PDZRN4: variants seen among roughly 807,000 people sequenced by gnomAD.
PDZRN4 encodes the protein PDZ domain containing ring finger 4, also known as PDZ domain-containing RING finger protein 4.
A neutral mutation model predicts 99.0 loss-of-function variants in PDZRN4; 70 were observed. That is an observed-to-expected ratio of 0.71 (90% CI 0.58 to 0.86). PDZRN4 has a LOEUF of 0.86. Ranked by LOEUF, PDZRN4 falls within the 40% of genes least tolerant of loss-of-function variation. The pLI is 0.00. For missense variants in PDZRN4, 1,474 were observed against 1,331.2 expected (o/e 1.11, Z -1.67); for synonymous variants, 551 against 501.6 (o/e 1.10, Z -1.32).
intron 3 of PDZRN4, among the ~76,000 whole-genome samples, chr12:41,416,352 C>T (rs1363031604): frequency 6.6e-6 from 1 of 152,054 alleles, no homozygotes; most frequent in African/African-American, 2.4e-5. Flanking sequence ...TGATTAAAAA[C>T]ATTTGGTTTT....
At chr12:41,391,664 T>C (rs2121121445) in intron 3 of PDZRN4, among the ~76,000 whole-genome samples, 1 of 152,290 alleles carries the variant, frequency 6.6e-6, no homozygotes, top group South Asian at 2.1e-4. Context: ...TGAGGGAAAA[T>C]GGAGTCTTTG....
At chr12:41,462,512 C>T (rs1262294014) in intron 3 of PDZRN4, among the ~76,000 whole-genome samples, 1 of 152,150 alleles carries the variant, frequency 6.6e-6, no homozygotes, top group Non-Finnish European at 1.5e-5. Flanking sequence ...AAATTGCTCA[C>T]CAGTTAGTCA....
intron 5 of PDZRN4, among the ~76,000 whole-genome samples, chr12:41,541,691 G>T (rs994118426): frequency 3.3e-5 from 5 of 151,776 alleles, no homozygotes; most frequent in Admixed American, 3.3e-4. Flanking sequence ...CTGACCTCAT[G>T]ATCCGCCTGC....
At chr12:41,454,922 T>C (rs1422922984) in intron 3 of PDZRN4, among the ~76,000 whole-genome samples, 1 of 152,244 alleles carries the variant, frequency 6.6e-6, no homozygotes, top group Non-Finnish European at 1.5e-5. Flanking sequence ...CACATAGGAC[T>C]GTTGAACAGT....
chr12:41,477,162 G>A (rs181478461), intron 3 of PDZRN4, among the ~76,000 whole-genome samples: 216 of 152,268 alleles, frequency 1.4e-3, no homozygotes, highest in African/African-American at 4.8e-3. Context: ...TCTGTTTGCA[G>A]CTATCTTTTA....
chr12:41,363,066 G>A (rs921892987), intron 3 of PDZRN4, among the ~76,000 whole-genome samples: 2 of 152,060 alleles, frequency 1.3e-5, no homozygotes, highest in Non-Finnish European at 2.9e-5. Context: ...CAGTTTGAGA[G>A]CATGAAGTAT....
intron 1 of PDZRN4, among the ~76,000 whole-genome samples, chr12:41,190,089 C>A (rs186906851): frequency 6.6e-6 from 1 of 152,208 alleles, no homozygotes; most frequent in Non-Finnish European, 1.5e-5. Context: ...AGAATTTGCG[C>A]ACCATTCAAG....
intron 2 of PDZRN4, among the ~76,000 whole-genome samples, chr12:41,192,442 G>T (rs1369021589): frequency 6.6e-6 from 1 of 152,140 alleles, no homozygotes; most frequent in Admixed American, 6.5e-5. Flanking sequence ...AGCAAACTTG[G>T]TTCTCTTTGC....
At chr12:41,306,192 C>T (rs1370330141) in intron 3 of PDZRN4, among the ~76,000 whole-genome samples, 2 of 152,172 alleles carry the variant, frequency 1.3e-5, no homozygotes, top group African/African-American at 2.4e-5. Flanking sequence ...GCTCAGGGAG[C>T]CACCCCTCAA....
chr12:41,491,896 C>T (rs1403923656), intron 3 of PDZRN4, among the ~76,000 whole-genome samples: 1 of 152,108 alleles, frequency 6.6e-6, no homozygotes, highest in African/African-American at 2.4e-5. Context: ...GTTCCTAGAC[C>T]TTTATTAACA....
At chr12:41,459,255 A>T (rs1008138767) in intron 3 of PDZRN4, among the ~76,000 whole-genome samples, 1 of 152,204 alleles carries the variant, frequency 6.6e-6, no homozygotes, top group African/African-American at 2.4e-5. Context: ...TTTTATACCA[A>T]CATTTCAAAA....
intron 3 of PDZRN4, among the ~76,000 whole-genome samples, chr12:41,427,326 T>C (rs1365767364): frequency 6.6e-6 from 1 of 152,200 alleles, no homozygotes; most frequent in African/African-American, 2.4e-5. Flanking sequence ...TATTATAAGC[T>C]ATAACATATT....
chr12:41,526,778 T>C (rs1938575163), intron 5 of PDZRN4, among the ~76,000 whole-genome samples: 1 of 152,184 alleles, frequency 6.6e-6, no homozygotes, highest in Non-Finnish European at 1.5e-5. Flanking sequence ...ATCATGGTAT[T>C]CCCATAATAT....
chr12:41,385,691 C>T (rs1952164366), intron 3 of PDZRN4, among the ~76,000 whole-genome samples: 1 of 152,150 alleles, frequency 6.6e-6, no homozygotes, highest in Non-Finnish European at 1.5e-5. Context: ...AGCCCACCAA[C>T]CAAAAAAAGC....
intron 3 of PDZRN4, among the ~76,000 whole-genome samples, chr12:41,339,870 G>T (rs1335486085): frequency 6.6e-6 from 1 of 152,020 alleles, no homozygotes; most frequent in Non-Finnish European, 1.5e-5. Context: ...AAACTAAAAT[G>T]AGATATTATT....
intron 3 of PDZRN4, among the ~76,000 whole-genome samples, chr12:41,285,080 A>G (rs545440067): frequency 6.6e-6 from 1 of 152,246 alleles, no homozygotes; most frequent in Admixed American, 6.5e-5. Flanking sequence ...AACCTACAGA[A>G]TGGGAGAAAA....
intron 3 of PDZRN4, among the ~76,000 whole-genome samples, chr12:41,265,733 C>T (rs1168492843): frequency 3.3e-5 from 5 of 152,118 alleles, no homozygotes; most frequent in African/African-American, 1.2e-4. Context: ...TTAGTTATTT[C>T]ATTGCATCAT....
intron 3 of PDZRN4, among the ~76,000 whole-genome samples, chr12:41,377,522 G>A (rs895167145): frequency 3.3e-5 from 5 of 152,004 alleles, no homozygotes; most frequent in African/African-American, 7.2e-5. Flanking sequence ...AAAATTAGCC[G>A]GGCATGGCAG....
intron 3 of PDZRN4, among the ~76,000 whole-genome samples, chr12:41,319,664 A>C (rs1951661524): frequency 6.6e-6 from 1 of 152,188 alleles, no homozygotes; most frequent in African/African-American, 2.4e-5. Context: ...AAAATCAGCC[A>C]GGGTTTAACT....
Sources: allele counts gnomAD v4.1 joint callset (sites outside exome capture counted in the v4.1 genomes callset), GRCh38; gene constraint gnomAD v4.1.1; transcripts MANE v1.5; gene names NCBI Gene and HGNC (gene_info 2026-07-23, HGNC 2026-07-21).